The following PSKH2 variants were observed in gnomAD, a reference collection of about 807,000 sequenced individuals.
PSKH2 encodes protein serine kinase H2.
A neutral mutation model predicts 22.5 loss-of-function variants in PSKH2; 16 were observed. The ratio of observed to expected loss-of-function variants is 0.71; its 90% confidence interval spans 0.48 to 1.08. The LOEUF is 1.08. Among genes scored for constraint, PSKH2 ranks in the 50% least tolerant of loss-of-function variants. PSKH2 has a pLI of 0.00. For missense variants in PSKH2, 516 were observed against 492.8 expected (o/e 1.05, Z -0.44); for synonymous variants, 188 against 184.8 (o/e 1.02, Z -0.14).
chr8:86,051,678 A>T (rs1233011588), intron 2 of PSKH2, among the ~76,000 whole-genome samples: 2 of 152,216 alleles, frequency 1.3e-5, no homozygotes, highest in Non-Finnish European at 2.9e-5. Context: ...GACTATTTAA[A>T]TGAAGGTTAA....
chr8:86,058,455 C>A (rs1817734627), intron 2 of PSKH2, among the ~76,000 whole-genome samples: 1 of 152,210 alleles, frequency 6.6e-6, no homozygotes, highest in African/African-American at 2.4e-5. Flanking sequence ...ATCTGAGATA[C>A]ACTTACTCAT....
intron 2 of PSKH2, among the ~76,000 whole-genome samples, chr8:86,056,235 C>G (rs1249191825): frequency 6.6e-6 from 1 of 152,010 alleles, no homozygotes; most frequent in Non-Finnish European, 1.5e-5. Flanking sequence ...TGGGGCTGCA[C>G]TGAGCTATGA....
In PSKH2 at chr8:86,049,820, AAGG is replaced by A. The variant is rs918086119; in HGVS notation, c.853-1056_853-1054del. 5.6e-4 allele frequency among the ~76,000 whole-genome samples: 85 copies of A among 151,274 alleles called. 2 individuals are homozygous for A. The highest frequency in any genetic ancestry group is 2.0e-3 in the African/African-American group (83 of 41,174). On this transcript the variant is annotated intron_variant, in intron 2 of 2. Transcript: ENST00000276616. ...AGGAAGAGAGAAAGAGGAAGAAAGA[AAGG>A]AAGAAAGGCAGAGAGAGAGAGAAAG...
At chr8:86,056,851 T>G (rs1324860893) in intron 2 of PSKH2, among the ~76,000 whole-genome samples, 1 of 151,458 alleles carries the variant, frequency 6.6e-6, no homozygotes, top group African/African-American at 2.4e-5. Context: ...ACACAGTTAG[T>G]AAATTGCAGA....
intron 2 of PSKH2, among the ~76,000 whole-genome samples, chr8:86,062,786 C>G (rs758341687): frequency 3.3e-5 from 5 of 152,118 alleles, no homozygotes; most frequent in Admixed American, 6.6e-5. Flanking sequence ...TGGACTAAGA[C>G]AGTTCTAGAT....
In PSKH2 at chr8:86,056,578, A is replaced by T. The variant is rs138538407; in HGVS notation, c.852+7387T>A. On this transcript the variant is annotated intron_variant, in intron 2 of 2. Coordinates refer to ENST00000276616, the MANE Select transcript of PSKH2 (RefSeq NM_033126.3). The stretch of plus-strand genomic sequence containing the variant: ...TAAATGAAGTTTGTACTGCAGAAAA[A>T]AAGCCATAAAACTAATAACTTACTT... Among the ~76,000 whole-genome samples the T allele has an allele frequency of 7.0e-3, 1,059 of 152,354 alleles. 4 individuals carry two copies. Among genetic ancestry groups the T allele is most frequent in the Non-Finnish European group, 0.011 (719 of 68,036 alleles).
At chr8:86,050,517 C>T (rs555841893) in intron 2 of PSKH2, among the ~76,000 whole-genome samples, 6 of 152,210 alleles carry the variant, frequency 3.9e-5, no homozygotes, top group South Asian at 2.1e-4. Context: ...TAAGAGCACA[C>T]GCCCCACAGA....
At chr8:86,057,848 A>G (rs1024682378) in intron 2 of PSKH2, among the ~76,000 whole-genome samples, 3 of 152,118 alleles carry the variant, frequency 2.0e-5, no homozygotes, top group African/African-American at 7.2e-5. Flanking sequence ...TTCCTAAGCA[A>G]TGATAGATTT....
Position 86,064,560 on chromosome 8 carries a change from T to TTGG in PSKH2, c.254_256dup (p.Thr85dup). The stretch of plus-strand genomic sequence containing the variant: ...CATCACTTTTATTGCAAAAGGTTTC[T>TTGG]TGGTGGTCTTCTGCTCTACCCTGAC... On this transcript the variant is annotated inframe_insertion, in exon 2 of 3. Transcript: ENST00000276616. 2 of 1,614,122 alleles carry TTGG rather than the reference T, an allele frequency of 1.2e-6. No homozygotes were observed. The highest frequency in any genetic ancestry group is 1.7e-6 in the Non-Finnish European group (2 of 1,180,018).
chr8:86,055,426 CAGAGA>C (rs1288623842), intron 2 of PSKH2, among the ~76,000 whole-genome samples: 1 of 152,122 alleles, frequency 6.6e-6, no homozygotes. Context: ...TAAGGCAAGT[CAGAGA>C]AGAGATGAAG....
intron 2 of PSKH2, among the ~76,000 whole-genome samples, chr8:86,061,873 A>C (rs1462506506): frequency 6.6e-6 from 1 of 152,238 alleles, no homozygotes; most frequent in Admixed American, 6.5e-5. Context: ...CCACAGGTTC[A>C]TGAGTCATAA....
rs985379286 is a variant in PSKH2, at chr8:86,047,319, T to G, written c.*1143A>C. Among the ~76,000 whole-genome samples, 1 of 152,130 alleles carries G rather than the reference T, an allele frequency of 6.6e-6. No homozygotes were observed. Among genetic ancestry groups the G allele is most frequent in the African/African-American group, 2.4e-5 (1 of 41,426 alleles). On this transcript the variant is annotated 3_prime_UTR_variant, in exon 3 of 3. Transcript: ENST00000276616. ...CTGTCATATATCATGTGATACAGCA[T>G]TACAACATAAAAAGAAAATAGTTGT...
intron 2 of PSKH2, among the ~76,000 whole-genome samples, chr8:86,061,497 T>C (rs1376303781): frequency 6.6e-6 from 1 of 152,008 alleles, no homozygotes; most frequent in African/African-American, 2.4e-5. Context: ...GCCAATAGAA[T>C]GATGCAGACA....
At chr8:86,055,921 C>A (rs1817692611) in intron 2 of PSKH2, among the ~76,000 whole-genome samples, 2 of 151,900 alleles carry the variant, frequency 1.3e-5, no homozygotes, top group African/African-American at 2.4e-5. Flanking sequence ...AGATAGGGAC[C>A]ATTTTCTATC....
At chr8:86,057,866 T>C (rs1200950978) in intron 2 of PSKH2, among the ~76,000 whole-genome samples, 2 of 152,316 alleles carry the variant, frequency 1.3e-5, no homozygotes, top group African/African-American at 4.8e-5. Context: ...TTTTCTTCCA[T>C]TGCCCCTGTG....
intron 2 of PSKH2, among the ~76,000 whole-genome samples, chr8:86,063,709 C>G (rs1048456353): frequency 2.6e-5 from 4 of 152,188 alleles, no homozygotes; most frequent in African/African-American, 9.7e-5. Context: ...CCCTTGCTAT[C>G]TTGAGTCAAA....
At chr8:86,069,738 C>T, upstream of PSKH2, 4 of 1,228,586 alleles carry the variant, frequency 3.3e-6, no homozygotes, top group Non-Finnish European at 4.3e-6. Flanking sequence ...AAAGAAACCC[C>T]ACTGGGGGGT....
chr8:86,049,818 GAA>G (rs1209738409), intron 2 of PSKH2, among the ~76,000 whole-genome samples: 2 of 149,728 alleles, frequency 1.3e-5, no homozygotes, highest in African/African-American at 4.9e-5. Context: ...GAGGAAGAAA[GAA>G]AGGAAGAAAG....
upstream of PSKH2, among the ~76,000 whole-genome samples, chr8:86,069,938 C>T (rs7842123): frequency 0.084 from 12,819 of 152,158 alleles, 1,853 homozygotes; most frequent in African/African-American, 0.29. Context: ...TAAAATTATA[C>T]GATTGTATAA....
Sources: gnomAD v4.1 joint callset for allele counts (sites outside exome capture counted in the v4.1 genomes callset) on GRCh38, gnomAD v4.1.1 for gene constraint, MANE v1.5 for transcripts, NCBI Gene and HGNC (gene_info 2026-07-23, HGNC 2026-07-21) for gene names.